CNKSR3: variants seen among roughly 807,000 people sequenced by gnomAD.
CNKSR3 encodes the protein CNKSR family member 3, also known as connector enhancer of kinase suppressor of ras 3.
CNKSR3 carries 36 observed loss-of-function variants against 67.7 expected under a neutral mutation model. The ratio of observed to expected loss-of-function variants is 0.53; its 90% CI spans 0.41 to 0.70. The LOEUF is 0.70. Ranked by LOEUF, CNKSR3 falls within the 30% of genes least tolerant of loss-of-function variation. The pLI is 0.00. For missense variants in CNKSR3, 630 were observed against 695.2 expected (o/e 0.91, Z 1.05); for synonymous variants, 281 against 271.4 (o/e 1.04, Z -0.35).
intron 1 of CNKSR3, among the ~76,000 whole-genome samples, chr6:154,463,368 C>CGG (rs913508936): frequency 6.6e-6 from 1 of 152,148 alleles, no homozygotes; most frequent in Non-Finnish European, 1.5e-5. Context: ...CCACCGCGCC[C>CGG]GGCTTCACCT....
At chr6:154,472,344 A>G (rs371496127) in intron 1 of CNKSR3, among the ~76,000 whole-genome samples, 4 of 152,354 alleles carry the variant, frequency 2.6e-5, no homozygotes, top group African/African-American at 4.8e-5. Flanking sequence ...GCTTAATAAA[A>G]TACTAAATAG....
rs945581632 is a variant in CNKSR3, at chr6:154,403,337, G to A, written c.*3017C>T. The A allele has an allele frequency of 6.6e-6, 1 of 152,006 alleles. No homozygotes were observed. The highest frequency in any genetic ancestry group is 1.5e-5 in the Non-Finnish European group (1 of 68,030). 9.4% of individuals were successfully genotyped at this position (152,006 alleles called of 1,614,324 possible). ...GCAGGAGAATTGCCTGAACCTGGGA[G>A]GCAGAGGCTGCAGTGAGTTGAGATT... On this transcript the variant is annotated 3_prime_UTR_variant, in exon 13 of 13. Transcript: ENST00000607772.
chr6:154,467,510 G>A (rs978638111), intron 1 of CNKSR3, among the ~76,000 whole-genome samples: 2 of 152,118 alleles, frequency 1.3e-5, no homozygotes, highest in African/African-American at 2.4e-5. Flanking sequence ...TTCTGCTTAC[G>A]ATCGCCACAG....
At chr6:154,474,589 G>A (rs1786404170) in intron 1 of CNKSR3, among the ~76,000 whole-genome samples, 2 of 152,206 alleles carry the variant, frequency 1.3e-5, no homozygotes, top group African/African-American at 2.4e-5. Flanking sequence ...TAAAGAATGT[G>A]CAAGATAGAC....
chr6:154,406,827 C>T (rs191404142), intron 12 of CNKSR3, among the ~76,000 whole-genome samples, 175 bp from the exon 13 acceptor site: 101 of 152,094 alleles, frequency 6.6e-4, no homozygotes, highest in Admixed American at 5.5e-3. Context: ...AATTAGCTGG[C>T]GTGGTGGCGG....
At chr6:154,494,580 ATCCTATTAAG>A (rs1786841749) in intron 1 of CNKSR3, among the ~76,000 whole-genome samples, 1 of 152,118 alleles carries the variant, frequency 6.6e-6, no homozygotes, top group South Asian at 2.1e-4. Flanking sequence ...TTTATAGCTA[ATCCTATTAAG>A]TAAAGGATTT....
intron 1 of CNKSR3, 113 bp downstream of exon 1, chr6:154,509,950 T>C: frequency 8.8e-7 from 1 of 1,139,130 alleles, no homozygotes; most frequent in Non-Finnish European, 1.3e-6. Flanking sequence ...GTCACCGGGC[T>C]GTGCCCTCAC....
At chr6:154,438,627 A>G (rs1014111089) in intron 4 of CNKSR3, among the ~76,000 whole-genome samples, 4 of 152,204 alleles carry the variant, frequency 2.6e-5, no homozygotes, top group African/African-American at 4.8e-5. Flanking sequence ...ATTTGAACCT[A>G]TAGCTGCCTC....
rs541610096 is a variant in CNKSR3 at position 154,395,549 on chromosome 6, G to A, written c.*10805C>T. On this transcript the variant is annotated 3_prime_UTR_variant, in exon 13 of 13. Coordinates refer to ENST00000607772, the MANE Select transcript of CNKSR3 (RefSeq NM_173515.4). ...AGTAGAACATCACAGACTCAGATGA[G>A]CCCTATGTAGCAATATGCAAAGGAC... is the stretch of plus-strand genomic sequence containing the variant. The A allele has an allele frequency of 5.3e-5, 8 of 152,122 alleles. No individual in the cohort carries two copies. Among genetic ancestry groups the A allele is most frequent in the Non-Finnish European group, 1.2e-4 (8 of 68,012 alleles). The allele number at this position is 152,122 out of a possible 1,614,324, so 9.4% of individuals were successfully genotyped here.
At position 154,413,608 on chromosome 6, in the gene CNKSR3, G is replaced by T. The variant is rs1260615679; in HGVS notation, c.1070+691C>A. Among the ~76,000 whole-genome samples the T allele has an allele frequency of 2.6e-5, 4 of 152,068 alleles. No individual in the cohort carries two copies. The East Asian group carries it at 7.7e-4, about 29-fold the overall frequency. On this transcript the variant is annotated intron_variant, in intron 10 of 12. Coordinates refer to ENST00000607772, the MANE Select transcript of CNKSR3 (RefSeq NM_173515.4). ...AGCTGCAACTCTCATTAATCTCACA[G>T]AAATACTTATTATCTACCCCCTCAA...
intron 10 of CNKSR3, among the ~76,000 whole-genome samples, chr6:154,414,019 G>A (rs1324721332): frequency 6.6e-6 from 1 of 152,064 alleles, no homozygotes; most frequent in Non-Finnish European, 1.5e-5. Context: ...AAAGTGCTGG[G>A]ATTACAGGTG....
intron 1 of CNKSR3, among the ~76,000 whole-genome samples, chr6:154,475,046 T>G (rs1786414249): frequency 6.6e-6 from 1 of 152,232 alleles, no homozygotes; most frequent in Non-Finnish European, 1.5e-5. Context: ...GTCTTGTTTT[T>G]TCCTTCTGAA....
At chr6:154,432,457 C>T (rs948434091) in intron 5 of CNKSR3, among the ~76,000 whole-genome samples, 2 of 151,996 alleles carry the variant, frequency 1.3e-5, no homozygotes, top group East Asian at 3.8e-4. Flanking sequence ...ATATATCCTC[C>T]CAGTCTGTGG....
At chr6:154,434,996 C>CT (rs367990649) in intron 4 of CNKSR3, among the ~76,000 whole-genome samples, 4,090 of 136,694 alleles carry the variant, frequency 0.03, 114 homozygotes, top group Non-Finnish European at 0.046. Flanking sequence ...CTACAAATTC[C>CT]TTTTTTTTTT....
intron 1 of CNKSR3, among the ~76,000 whole-genome samples, chr6:154,503,487 G>A (rs911143505): frequency 5.3e-5 from 8 of 151,864 alleles, no homozygotes; most frequent in Non-Finnish European, 1.0e-4. Context: ...AATTAGCCAG[G>A]TGTAGTGGCA....
At position 154,405,076 on chromosome 6, in the gene CNKSR3, T is replaced by C. The variant is rs1784760947; in HGVS notation, c.*1278A>G. On this transcript the variant is annotated 3_prime_UTR_variant, in exon 13 of 13. Coordinates refer to ENST00000607772, the MANE Select transcript of CNKSR3 (RefSeq NM_173515.4). The stretch of plus-strand genomic sequence containing the variant: ...CTGCCTAGGAAGATACCTCAGAAAA[T>C]TCCCCTCGTGCAATTTCACTTTGCA... The C allele has an allele frequency of 6.6e-6, 1 of 152,202 alleles. No homozygotes were observed. The highest frequency in any genetic ancestry group is 2.1e-4 in the South Asian group (1 of 4,830). The allele number at this position is 152,202 out of a possible 1,614,324, so 9.4% of individuals were successfully genotyped here. A position where few individuals can be genotyped will look rare whatever the true frequency, so the allele number is the denominator to read the frequency against.
chr6:154,421,477 T>C (rs1382549930), intron 9 of CNKSR3, among the ~76,000 whole-genome samples: 2 of 152,230 alleles, frequency 1.3e-5, no homozygotes, highest in Non-Finnish European at 2.9e-5. Context: ...CTCAATCTTA[T>C]AAAAGGGCAT....
At chr6:154,437,410 CTTTTTTTT>C (rs10665656) in intron 4 of CNKSR3, among the ~76,000 whole-genome samples, 1 of 102,144 alleles carries the variant, frequency 9.8e-6, no homozygotes, top group Non-Finnish European at 1.9e-5. Context: ...CACCTATGTT[CTTTTTTTT>C]TTTTTTTTTT....
rs747147689 is a variant in CNKSR3, at chr6:154,410,399, C to T, written c.1313G>A (p.Gly438Glu). 1 of 1,614,110 alleles carries T rather than the reference C, an allele frequency of 6.2e-7. No individual in the cohort carries two copies. Residue 438 changes from glycine (G) to glutamate (E), a missense_variant, in exon 12 of 13, where the codon GGG becomes GAG. Gly to Glu is a moderately conservative substitution (Grantham distance 98, BLOSUM62 -2). This residue lies in a region of CNKSR3 where 308 missense variants were observed against 299.6 expected (regional missense o/e 1.03). Transcript: ENST00000607772. ...KPRPLSMPAD[G>E]NWMGIVDPFA... ...AGGGTCCACAATCCCCATCCAGTTC[C>T]CATCAGCAGGCATGGACAAAGGCCG...
Sources: allele counts gnomAD v4.1 joint callset (sites outside exome capture counted in the v4.1 genomes callset), GRCh38; gene constraint gnomAD v4.1.1; regional missense constraint gnomAD v4.1.1; transcripts MANE v1.5; gene names NCBI Gene and HGNC (gene_info 2026-07-23, HGNC 2026-07-21).